Variants in PVT1 observed in about 807,000 individuals in gnomAD.
PVT1 encodes Pvt1 oncogene, also known as CXCR4/PVT1 fusion.
rs1055053302 is a variant in PVT1 at position 128,093,787 on chromosome 8, G to A, written n.1115-2731G>A. Among the ~76,000 whole-genome samples, 10 of 151,940 alleles carry A rather than the reference G, an allele frequency of 6.6e-5. No individual in the cohort carries two copies. In the East Asian group the frequency reaches 1.2e-3, roughly 18 times the overall value. On this transcript the variant is annotated intron_variant and non_coding_transcript_variant, in intron 5 of 10. Transcript: ENST00000651587. The stretch of plus-strand genomic sequence containing the variant: ...TGAGTGGCTGGGATTACAGGTGCGC[G>A]CCACCACGCCCAGTTAATTTTTGTA...
At chr8:127,952,072 C>T (rs1291994950) in intron 3 of PVT1, among the ~76,000 whole-genome samples, 1 of 152,114 alleles carries the variant, frequency 6.6e-6, no homozygotes, top group Non-Finnish European at 1.5e-5. Context: ...CCTTGGCCTC[C>T]CAAAGTGCTG....
intron 5 of PVT1, among the ~76,000 whole-genome samples, chr8:128,091,239 G>C (rs1266303925): frequency 1.3e-5 from 2 of 152,096 alleles, no homozygotes; most frequent in Non-Finnish European, 1.5e-5. Flanking sequence ...TGTTTCTCCT[G>C]TCCCAAGGTT....
chr8:127,948,359 A>G (rs927211167), intron 3 of PVT1: 1 of 174,606 alleles, frequency 5.7e-6, no homozygotes, highest in Non-Finnish European at 1.2e-5. Context: ...GAGAAAATTC[A>G]TAGATCCATC....
chr8:127,947,888 G>T, intron 3 of PVT1: 1 of 456,586 alleles, frequency 2.2e-6, no homozygotes, highest in South Asian at 1.5e-5. Flanking sequence ...TACAAATTAG[G>T]CAGACAGACA....
rs188218754 is a variant in PVT1, at chr8:128,079,115, A to G, written n.1114+8754A>G. 2.6e-3 allele frequency among the ~76,000 whole-genome samples: 387 copies of G among 149,336 alleles called. 3 individuals are homozygous for G. Among genetic ancestry groups the G allele is most frequent in the African/African-American group, 9.3e-3 (374 of 40,424 alleles). On this transcript the variant is annotated intron_variant and non_coding_transcript_variant, in intron 5 of 10. Transcript: ENST00000651587. ...ACTTTATTCTGTAACCTTTTCAACT[A>G]CCATTTTGAAATTTGCTTTTATCCA...
At chr8:128,003,755 C>T (rs1817213853) in intron 4 of PVT1, among the ~76,000 whole-genome samples, 1 of 152,214 alleles carries the variant, frequency 6.6e-6, no homozygotes, top group African/African-American at 2.4e-5. Context: ...GGGGACTATT[C>T]TCCAACATGA....
intron 3 of PVT1, among the ~76,000 whole-genome samples, chr8:127,927,682 C>A (rs1229914940): frequency 6.6e-6 from 1 of 152,228 alleles, no homozygotes; most frequent in Non-Finnish European, 1.5e-5. Context: ...GGCCATACCC[C>A]CTCCTTAGCT....
chr8:127,875,363 GTCTCTCTCTC>G (rs139309505), intron 2 of PVT1, among the ~76,000 whole-genome samples: 1 of 149,616 alleles, frequency 6.7e-6, no homozygotes, highest in Admixed American at 6.7e-5. Flanking sequence ...CTCTGTCTCT[GTCTCTCTCTC>G]TCTCTCTCTC....
At chr8:128,009,327 A>G (rs1021888653) in intron 4 of PVT1, among the ~76,000 whole-genome samples, 2 of 152,192 alleles carry the variant, frequency 1.3e-5, no homozygotes, top group African/African-American at 4.8e-5. Flanking sequence ...CTTGTTTAAA[A>G]TATTTGCTAC....
At chr8:127,887,689 C>G (rs1173089637) in intron 2 of PVT1, among the ~76,000 whole-genome samples, 2 of 152,046 alleles carry the variant, frequency 1.3e-5, no homozygotes, top group Non-Finnish European at 2.9e-5. Flanking sequence ...CCACACCTGG[C>G]TAATTGTTTG....
intron 4 of PVT1, among the ~76,000 whole-genome samples, chr8:128,056,987 T>C (rs1396041542): frequency 6.6e-6 from 1 of 152,184 alleles, no homozygotes; most frequent in African/African-American, 2.4e-5. Flanking sequence ...GTTTCACATT[T>C]GGAGTTTTAG....
intron 2 of PVT1, among the ~76,000 whole-genome samples, chr8:127,826,697 AG>A (rs1254724841): frequency 6.6e-6 from 1 of 152,230 alleles, no homozygotes; most frequent in East Asian, 1.9e-4. Context: ...TGTTGCTAAG[AG>A]GCCACCCGGG....
At chr8:127,814,232 C>T (rs1358474121) in intron 2 of PVT1, among the ~76,000 whole-genome samples, 2 of 152,192 alleles carry the variant, frequency 1.3e-5, no homozygotes, top group East Asian at 1.9e-4. Flanking sequence ...CCTCATTATT[C>T]CCAAGAAAAG....
Position 127,895,130 on chromosome 8 carries a change from A to G in PVT1, n.782+4132A>G, listed in dbSNP as rs546664961. Among the ~76,000 whole-genome samples the G allele has an allele frequency of 5.3e-5, 8 of 152,322 alleles. No homozygotes were observed. The South Asian group carries it at 1.5e-3, about 28-fold the overall frequency. ...AGTAAATATTTCCACTATGCAATCAATTGGTGACTTATTCATGTATTCATT... is the reference window on the plus strand; with the variant it reads ...AGTAAATATTTCCACTATGCAATCAGTTGGTGACTTATTCATGTATTCATT... On this transcript the variant is annotated intron_variant and non_coding_transcript_variant, in intron 3 of 10. Transcript: ENST00000651587.
chr8:127,936,302 T>C (rs897033541), intron 3 of PVT1, among the ~76,000 whole-genome samples: 1 of 152,138 alleles, frequency 6.6e-6, no homozygotes. Flanking sequence ...TCTGCCTGCC[T>C]TGGCCTCCCA....
intron 5 of PVT1, among the ~76,000 whole-genome samples, chr8:128,095,992 A>G (rs1814424959): frequency 6.6e-6 from 1 of 152,200 alleles, no homozygotes; most frequent in African/African-American, 2.4e-5. Flanking sequence ...CCACCTGTCA[A>G]TTGCTGGTAT....
Position 127,917,507 on chromosome 8 carries a change from C to A in PVT1, n.782+26509C>A, listed in dbSNP as rs1586435034. On this transcript the variant is annotated intron_variant and non_coding_transcript_variant, in intron 3 of 10. Transcript: ENST00000651587. ...ACAGACTGGTCTTGATCCAGGGGAACCATATCAGTGACCTCAAGAGGCCCC... is the reference window on the plus strand; with the variant it reads ...ACAGACTGGTCTTGATCCAGGGGAAACATATCAGTGACCTCAAGAGGCCCC... 2.0e-5 allele frequency among the ~76,000 whole-genome samples: 3 copies of A among 152,194 alleles called. No individual in the cohort carries two copies. The East Asian group carries it at 5.8e-4, about 29-fold the overall frequency.
chr8:127,803,684 A>AGG (rs1206447841), intron 2 of PVT1: 2 of 151,388 alleles, frequency 1.3e-5, no homozygotes, highest in Non-Finnish European at 2.9e-5. Context: ...AGCCCATCTG[A>AGG]GACCAGCCTG....
At chr8:128,027,014 A>T (rs1345074970) in intron 4 of PVT1, among the ~76,000 whole-genome samples, 1 of 152,086 alleles carries the variant, frequency 6.6e-6, no homozygotes, top group African/African-American at 2.4e-5. Flanking sequence ...CTAATGGGTC[A>T]TCTGTTGTGA....
Sources: gnomAD v4.1 joint callset for allele counts (sites outside exome capture counted in the v4.1 genomes callset) on GRCh38, gnomAD v4.1.1 for gene constraint, MANE v1.5 for transcripts, NCBI Gene and HGNC (gene_info 2026-07-23, HGNC 2026-07-21) for gene names.